The following DAB1 variants were observed in gnomAD, a reference collection of about 807,000 sequenced individuals.
DAB1 encodes disabled homolog 1.
In DAB1, 15 loss-of-function variants were observed where a neutral mutation model predicts 64.6. The observed-to-expected ratio is 0.23, with a 90% CI of 0.16 to 0.36. The LOEUF (loss-of-function observed/expected upper bound fraction) is 0.36, where lower values mean the gene tolerates loss of function less well. DAB1 is among the 10% of genes least tolerant of loss of function. The probability of loss-of-function intolerance (pLI) is 1.00; values close to 1 mark genes in which losing one functional copy is unlikely to be tolerated. For missense variants in DAB1, 596 were observed against 706.7 expected, an observed-to-expected ratio of 0.84 and a Z score of 1.78; for synonymous variants, 235 against 251.9, an observed-to-expected ratio of 0.93 and a Z score of 0.64.
At chr1:57,421,546 C>G (rs561411813) in intron 1 of DAB1, among the ~76,000 whole-genome samples, 45 of 152,268 alleles carry the variant, frequency 3.0e-4, no homozygotes, top group Non-Finnish European at 5.1e-4. Flanking sequence ...CTTCCCACTT[C>G]GGCCTCTTTT....
chr1:57,893,326 G>C (rs1392892604), intron 5 of DAB1, among the ~76,000 whole-genome samples: 1 of 152,064 alleles, frequency 6.6e-6, no homozygotes, highest in Non-Finnish European at 1.5e-5. Context: ...TTATTTTCTA[G>C]GGGAGAAAAT....
At chr1:58,281,051 G>A (rs567944965) in intron 4 of DAB1, among the ~76,000 whole-genome samples, 1 of 152,260 alleles carries the variant, frequency 6.6e-6, no homozygotes, top group South Asian at 2.1e-4. Flanking sequence ...GTGTGTTTGG[G>A]GAGAAAGACA....
Position 57,010,821 on chromosome 1 carries a change from T to C in DAB1, c.1573-31A>G, listed in dbSNP as rs200096242. On this transcript the variant is annotated intron_variant, in intron 13 of 14. Transcript: ENST00000371236. ...ACACAAGAAGATAATACTTTTTTTT[T>C]TCTCTCTTTTCAAGCATTGAAAATA... The C allele has an allele frequency of 1.9e-3, 2,773 of 1,473,452 alleles. 50 individuals are homozygous for C. The South Asian group carries it at 0.027, about 14-fold the overall frequency. The allele number at this position is 1,473,452 out of a possible 1,614,324, so 91.3% of individuals were successfully genotyped here.
intron 4 of DAB1, among the ~76,000 whole-genome samples, chr1:58,162,207 T>C (rs1166110372): frequency 1.3e-5 from 2 of 152,170 alleles, no homozygotes; most frequent in Non-Finnish European, 2.9e-5. Context: ...ATTCTTATCA[T>C]GCCAAAGGAC....
chr1:57,903,623 A>C (rs1384490822), intron 5 of DAB1, among the ~76,000 whole-genome samples: 2 of 152,214 alleles, frequency 1.3e-5, no homozygotes, highest in Non-Finnish European at 2.9e-5. Flanking sequence ...AGGAGGAATC[A>C]GAAACTATAT....
chr1:57,788,823 T>C (rs1449145675), intron 6 of DAB1, among the ~76,000 whole-genome samples: 3 of 152,180 alleles, frequency 2.0e-5, no homozygotes, highest in Non-Finnish European at 4.4e-5. Flanking sequence ...ATTGAGACTC[T>C]ATCTTGCTTC....
At chr1:57,166,914 C>A (rs1661255891) in intron 2 of DAB1, among the ~76,000 whole-genome samples, 1 of 152,150 alleles carries the variant, frequency 6.6e-6, no homozygotes. Flanking sequence ...CTGTCTGACT[C>A]CAAAGTTCAT....
chr1:57,691,689 C>G (rs1646766264), intron 6 of DAB1, among the ~76,000 whole-genome samples: 1 of 152,096 alleles, frequency 6.6e-6, no homozygotes, highest in Non-Finnish European at 1.5e-5. Context: ...TCTTTAAGAG[C>G]TGTAACACTC....
At chr1:57,929,140 T>C (rs952519496) in intron 5 of DAB1, among the ~76,000 whole-genome samples, 2 of 152,216 alleles carry the variant, frequency 1.3e-5, no homozygotes, top group South Asian at 4.1e-4. Context: ...TGCCAATAGG[T>C]GTGCAGTGGT....
intron 2 of DAB1, among the ~76,000 whole-genome samples, chr1:57,235,851 A>G (rs1048591207): frequency 6.6e-6 from 1 of 152,250 alleles, no homozygotes; most frequent in Non-Finnish European, 1.5e-5. Flanking sequence ...CAATGTGAGC[A>G]TCCCACCTTG....
intron 5 of DAB1, among the ~76,000 whole-genome samples, chr1:57,907,174 T>C (rs145952089): frequency 2.6e-5 from 4 of 152,312 alleles, no homozygotes; most frequent in Admixed American, 6.5e-5. Flanking sequence ...GTAATATATC[T>C]TAAAACATTT....
rs920160399 is a variant in DAB1 at position 58,266,019 on chromosome 1, TAC to T, written n.309+77331_309+77332del. 1.7e-3 allele frequency among the ~76,000 whole-genome samples: 230 copies of T among 136,728 alleles called. 1 individual carries two copies. Among genetic ancestry groups the T allele is most frequent in the Admixed American group, 9.5e-3 (124 of 13,020 alleles). 89.7% of individuals were successfully genotyped at this position (136,728 alleles called of 152,430 possible). ...TTATAGGAATTTTTCTCTGTCTCTA[TAC>T]ACACACACACATACACCCCACCACC... On this transcript the variant is annotated intron_variant and non_coding_transcript_variant, in intron 4 of 20. Transcript: ENST00000485760.
intron 6 of DAB1, among the ~76,000 whole-genome samples, chr1:57,789,592 T>C (rs900597924): frequency 6.6e-6 from 1 of 152,176 alleles, no homozygotes; most frequent in African/African-American, 2.4e-5. Flanking sequence ...GGCTGTCTGG[T>C]GTCTCTTCTT....
intron 4 of DAB1, among the ~76,000 whole-genome samples, chr1:58,276,296 A>C (rs1661441309): frequency 6.6e-6 from 1 of 152,110 alleles, no homozygotes; most frequent in Admixed American, 6.5e-5. Context: ...AAAATTATAA[A>C]TTTTATGTTA....
At chr1:57,684,978 G>C (rs889458163) in intron 6 of DAB1, among the ~76,000 whole-genome samples, 15 of 150,800 alleles carry the variant, frequency 9.9e-5, no homozygotes, top group Middle Eastern at 3.4e-3. Flanking sequence ...TTTTGAGATG[G>C]AGTCTTGCTC....
intron 6 of DAB1, among the ~76,000 whole-genome samples, chr1:57,819,294 A>C (rs1420613900): frequency 3.3e-5 from 5 of 152,246 alleles, no homozygotes; most frequent in Non-Finnish European, 2.9e-5. Context: ...GCATCCAGAC[A>C]GGGGTAGAAA....
chr1:58,264,935 T>A (rs1030368727), intron 4 of DAB1, among the ~76,000 whole-genome samples: 4 of 152,204 alleles, frequency 2.6e-5, no homozygotes, highest in Admixed American at 6.5e-5. Context: ...ATTTGCACGG[T>A]CCTAGAAGAA....
Position 57,895,135 on chromosome 1 carries a change from C to T in DAB1, n.388-10973G>A, listed in dbSNP as rs1644374110. Among the ~76,000 whole-genome samples, 5 of 151,824 alleles carry T rather than the reference C, an allele frequency of 3.3e-5. 1 individual carries two copies. The highest frequency in any genetic ancestry group is 3.3e-4 in the Admixed American group (5 of 15,236). On this transcript the variant is annotated intron_variant and non_coding_transcript_variant, in intron 5 of 20. Coordinates refer to the DAB1 transcript ENST00000485760. Reference sequence around the variant, plus strand: ...GGTTTTCTTTCTTAAAAAATAAGTCCTTTTCAAGTTATAAATGATATTCAA... The same window carrying T: ...GGTTTTCTTTCTTAAAAAATAAGTCTTTTTCAAGTTATAAATGATATTCAA...
chr1:57,960,843 C>A (rs1570087276), intron 5 of DAB1, among the ~76,000 whole-genome samples: 1 of 152,300 alleles, frequency 6.6e-6, no homozygotes, highest in African/African-American at 2.4e-5. Context: ...GAGAACAGAC[C>A]CCAGCCTCAA....
Sources: allele counts gnomAD v4.1 joint callset (sites outside exome capture counted in the v4.1 genomes callset), GRCh38; gene constraint gnomAD v4.1.1; transcripts MANE v1.5; gene names NCBI Gene and HGNC (gene_info 2026-07-23, HGNC 2026-07-21).